LRRC9: variants seen among roughly 807,000 people sequenced by gnomAD.
The protein encoded by LRRC9 is leucine-rich repeat-containing protein 9.
Under a neutral mutation model 63.2 loss-of-function variants are expected in LRRC9, and 122 were observed. That is an observed-to-expected ratio of 1.93 (90% CI 1.67 to 2.24). The LOEUF (loss-of-function observed/expected upper bound fraction) is 2.24, where lower values mean the gene tolerates loss of function less well. LRRC9 is among the 30% of genes most tolerant of loss of function. The pLI, the probability that LRRC9 is intolerant of heterozygous loss-of-function variation, is 0.00. For missense variants in LRRC9, 1,071 were observed against 627.7 expected (o/e 1.71, Z -7.55); for synonymous variants, 366 against 213.1 (o/e 1.72, Z -6.25).
intron 7 of LRRC9, among the ~76,000 whole-genome samples, chr14:59,939,688 A>C (rs367875866): frequency 2.0e-5 from 3 of 152,126 alleles, no homozygotes; most frequent in East Asian, 3.9e-4. Flanking sequence ...GAATAATTCC[A>C]AGATATTGGC....
chr14:60,063,977 G>C (rs1462923491), downstream of LRRC9, among the ~76,000 whole-genome samples: 1 of 152,122 alleles, frequency 6.6e-6, no homozygotes, highest in East Asian at 1.9e-4. Context: ...GGCATCAATA[G>C]TAGTTTCTAA....
rs1595121337 is a variant in LRRC9, at chr14:60,053,824, C to T, written c.4131+619C>T. ...CTTTGACCACCTAGTTTCTTCATGA[C>T]CATCTTCTAAAGACTAAATTTAACA... On this transcript the variant is annotated intron_variant, in intron 30 of 31. Transcript: ENST00000445360. This position sits in a 1 kb window ranked among gnomAD's most constrained non-coding sequence, Gnocchi z 4.8. The T allele has an allele frequency of 2.4e-6, 1 of 417,862 alleles. No homozygotes were observed. Among genetic ancestry groups the T allele is most frequent in the Non-Finnish European group, 4.6e-6 (1 of 215,200 alleles). 25.9% of individuals were successfully genotyped at this position (417,862 alleles called of 1,614,324 possible).
intron 17 of LRRC9, 88 bp from the exon 18 acceptor site, chr14:59,997,568 G>C: frequency 1.7e-6 from 1 of 590,620 alleles, no homozygotes; most frequent in Non-Finnish European, 3.0e-6. Flanking sequence ...CAGGAAGTGT[G>C]TAAAGTATGT....
At chr14:60,023,708 C>T (rs949102635) in intron 27 of LRRC9, among the ~76,000 whole-genome samples, 7 of 151,966 alleles carry the variant, frequency 4.6e-5, no homozygotes, top group Non-Finnish European at 1.0e-4. Context: ...AGGTTTGTTA[C>T]ATAGGTATAC....
downstream of LRRC9, among the ~76,000 whole-genome samples, chr14:60,064,273 A>G (rs1385997738): frequency 6.6e-6 from 1 of 152,244 alleles, no homozygotes; most frequent in Non-Finnish European, 1.5e-5. Flanking sequence ...ACTAAAATTG[A>G]TAACCAAATT....
chr14:59,983,303 C>CCCTGT (rs1451949765), intron 16 of LRRC9, among the ~76,000 whole-genome samples: 1 of 152,190 alleles, frequency 6.6e-6, no homozygotes. Flanking sequence ...GCAACAGAGG[C>CCCTGT]CCTGTCCTGT....
rs1455584043 is a variant in LRRC9, at chr14:59,927,792, A to G, written c.-33-119A>G. 1 of 477,776 alleles carries G rather than the reference A, an allele frequency of 2.1e-6. No individual in the cohort carries two copies. The highest frequency in any genetic ancestry group is 3.9e-5 in the Admixed American group (1 of 25,714). 29.6% of individuals were successfully genotyped at this position (477,776 alleles called of 1,614,324 possible). A position where few individuals can be genotyped will look rare whatever the true frequency, so the allele number is the denominator to read the frequency against. On this transcript the variant is annotated intron_variant, in intron 1 of 31. Coordinates refer to ENST00000445360, the Ensembl canonical transcript of LRRC9. The surrounding 1 kb of genome is among the most constrained non-coding windows in gnomAD (Gnocchi z 4.4). ...AGTTTATACAGATACTTGGTAATAT[A>G]CTATGTGAAGATTTCAAACTACAGT...
rs1486039680 is a variant in LRRC9 at position 60,051,259 on chromosome 14, G to A, written c.3991-1806G>A. Among the ~76,000 whole-genome samples, 1 of 152,222 alleles carries A rather than the reference G, an allele frequency of 6.6e-6. No individual in the cohort carries two copies. Among genetic ancestry groups the A allele is most frequent in the Non-Finnish European group, 1.5e-5 (1 of 68,036 alleles). On this transcript the variant is annotated intron_variant, in intron 29 of 31. Coordinates refer to ENST00000445360, the Ensembl canonical transcript of LRRC9. The surrounding 1 kb of genome is among the most constrained non-coding windows in gnomAD (Gnocchi z 4.7). ...TCCCAGGGAGAGATCAGGGTTCAGT[G>A]CATATAAGACTGGCTGGAGTGACTC... is the stretch of plus-strand genomic sequence containing the variant.
At chr14:60,066,115 G>A (rs1251811085), downstream of LRRC9, among the ~76,000 whole-genome samples, 4 of 151,606 alleles carry the variant, frequency 2.6e-5, no homozygotes, top group Non-Finnish European at 5.9e-5. Context: ...CACCATGCCT[G>A]GCCATTTACT....
chr14:59,982,803 A>G (rs1391232852), intron 16 of LRRC9, among the ~76,000 whole-genome samples: 1 of 152,202 alleles, frequency 6.6e-6, no homozygotes, highest in African/African-American at 2.4e-5. Flanking sequence ...GACTAGTCAC[A>G]TTTCAAGTGC....
intron 12 of LRRC9, among the ~76,000 whole-genome samples, chr14:59,970,638 A>G (rs1365106243): frequency 6.6e-6 from 1 of 152,116 alleles, no homozygotes; most frequent in Non-Finnish European, 1.5e-5. Flanking sequence ...CTGGTATAAG[A>G]TGGTGTCTCA....
downstream of LRRC9, among the ~76,000 whole-genome samples, chr14:60,065,943 C>A (rs955672043): frequency 6.6e-6 from 1 of 151,812 alleles, no homozygotes. Context: ...AAATTAACTG[C>A]GATTAATTGT....
chr14:60,029,995 T>G (rs1891865483), intron 28 of LRRC9, among the ~76,000 whole-genome samples: 3 of 152,118 alleles, frequency 2.0e-5, no homozygotes, highest in African/African-American at 7.2e-5. Context: ...ATGTTGGAAA[T>G]TCTGTTGAAT....
intron 8 of LRRC9, among the ~76,000 whole-genome samples, chr14:59,959,321 G>T (rs1193475889): frequency 6.6e-6 from 1 of 151,902 alleles, no homozygotes; most frequent in South Asian, 2.1e-4. Flanking sequence ...TAAAACAAAA[G>T]GAAAAATGTG....
intron 12 of LRRC9, among the ~76,000 whole-genome samples, chr14:59,969,575 C>G (rs1885241257): frequency 6.6e-6 from 1 of 152,142 alleles, no homozygotes; most frequent in South Asian, 2.1e-4. Flanking sequence ...AGAGGTTTGG[C>G]TAAGGTTGGC....
chr14:60,044,032 G>C (rs569792056), intron 29 of LRRC9, among the ~76,000 whole-genome samples: 1 of 151,742 alleles, frequency 6.6e-6, no homozygotes, highest in South Asian at 2.1e-4. Context: ...TTCAATCTTT[G>C]TAGGTTGTAT....
At chr14:59,988,015 T>A (rs1294653227) in intron 17 of LRRC9, among the ~76,000 whole-genome samples, 1 of 152,220 alleles carries the variant, frequency 6.6e-6, no homozygotes, top group Non-Finnish European at 1.5e-5. Context: ...TTGATTATAT[T>A]CAATCCATTG....
At chr14:59,940,784 G>T (rs1881676385) in intron 7 of LRRC9, among the ~76,000 whole-genome samples, 1 of 151,616 alleles carries the variant, frequency 6.6e-6, no homozygotes, top group Admixed American at 6.6e-5. Flanking sequence ...ATTCTTTTTT[G>T]GCCACCTAAG....
chr14:59,984,995 G>T, intron 16 of LRRC9, 110 bp from the exon 17 acceptor site: 1 of 436,082 alleles, frequency 2.3e-6, no homozygotes, highest in Non-Finnish European at 4.1e-6. Context: ...TTCTTATTTT[G>T]TAGTATATTG....
Sources: gnomAD v4.1 joint callset for allele counts (sites outside exome capture counted in the v4.1 genomes callset) on GRCh38, gnomAD v4.1.1 for gene constraint, Gnocchi (gnomAD v3.1) non-coding constraint, MANE v1.5 for transcripts, NCBI Gene and HGNC (gene_info 2026-07-23, HGNC 2026-07-21) for gene names.